The following SUPT3H variants were observed in gnomAD, a reference collection of about 807,000 sequenced individuals.
SUPT3H encodes SPT3 homolog, SAGA and STAGA complex component.
A neutral mutation model predicts 44.3 loss-of-function variants in SUPT3H; 44 were observed. That is an observed-to-expected ratio of 0.99 (90% CI 0.78 to 1.28). The LOEUF is 1.28. Ranked by LOEUF, SUPT3H falls within the 50% of genes most tolerant of loss-of-function variation. The pLI is 0.00. For missense variants in SUPT3H, 380 were observed against 387.1 expected (o/e 0.98, Z 0.15); for synonymous variants, 124 against 125.6 (o/e 0.99, Z 0.09).
intron 2 of SUPT3H, among the ~76,000 whole-genome samples, chr6:45,127,353 CTG>C (rs941780527): frequency 3.3e-5 from 5 of 152,056 alleles, no homozygotes; most frequent in African/African-American, 7.2e-5. Context: ...ACTATGAACA[CTG>C]TCCTCATACA....
At chr6:45,243,535 CATT>C (rs1223017409) in intron 2 of SUPT3H, among the ~76,000 whole-genome samples, 1 of 152,018 alleles carries the variant, frequency 6.6e-6, no homozygotes, top group Non-Finnish European at 1.5e-5. Flanking sequence ...TTATGAATCT[CATT>C]AATACAAGAG....
intron 10 of SUPT3H, among the ~76,000 whole-genome samples, chr6:44,875,140 G>T (rs1229444625): frequency 2.0e-4 from 3 of 14,914 alleles, no homozygotes; most frequent in Non-Finnish European, 1.2e-4. Context: ...TCACAGAATT[G>T]GAAAAAACTA....
intron 1 of SUPT3H, among the ~76,000 whole-genome samples, chr6:45,368,814 T>G (rs752123854): frequency 6.6e-6 from 1 of 152,134 alleles, no homozygotes; most frequent in Non-Finnish European, 1.5e-5. Context: ...TATAAATTAA[T>G]AGAAAACTTT....
In SUPT3H at chr6:45,295,092, CA is replaced by C. The variant is rs959057988; in HGVS notation, c.101+70108del. On this transcript the variant is annotated intron_variant, in intron 2 of 10. Coordinates refer to ENST00000371459, the MANE Select transcript of SUPT3H (RefSeq NM_003599.4). The stretch of plus-strand genomic sequence containing the variant: ...CTGGAGGCATCACATTACCTGATTT[CA>C]AACTATACTATTAGGCTATAGTCAC... Among the ~76,000 whole-genome samples the C allele has an allele frequency of 2.6e-5, 4 of 152,182 alleles. No homozygotes were observed. The East Asian group carries it at 7.7e-4, about 29-fold the overall frequency.
chr6:44,993,418 T>G (rs1355844031), intron 6 of SUPT3H, among the ~76,000 whole-genome samples: 1 of 142,950 alleles, frequency 7.0e-6, no homozygotes, highest in African/African-American at 2.4e-5. Context: ...GTAACTTGCT[T>G]TTTATTTCAT....
rs149864529 is a variant in SUPT3H, at chr6:44,895,209, A to T, written c.912+37444T>A. Among the ~76,000 whole-genome samples the T allele has an allele frequency of 2.1e-3, 323 of 151,006 alleles. 1 individual carries two copies. Among genetic ancestry groups the T allele is most frequent in the African/African-American group, 7.5e-3 (309 of 41,164 alleles). ...TCAGAGGTGGTCTTAATCTATAACT[A>T]TATGGAATAATAATAGTGTGATTTG... On this transcript the variant is annotated intron_variant, in intron 10 of 10. Transcript: ENST00000371459.
At chr6:45,332,729 T>C (rs778058290) in intron 2 of SUPT3H, among the ~76,000 whole-genome samples, 3 of 151,676 alleles carry the variant, frequency 2.0e-5, no homozygotes, top group Admixed American at 6.6e-5. Flanking sequence ...TGTGACCAAA[T>C]AGACAAATGC....
At chr6:45,164,797 T>C (rs1359672106) in intron 2 of SUPT3H, among the ~76,000 whole-genome samples, 1 of 152,128 alleles carries the variant, frequency 6.6e-6, no homozygotes, top group Non-Finnish European at 1.5e-5. Context: ...AAAAGTATAG[T>C]AAAATTTTTC....
intron 2 of SUPT3H, among the ~76,000 whole-genome samples, chr6:45,241,782 A>AG (rs1770381465): frequency 6.6e-6 from 1 of 152,170 alleles, no homozygotes; most frequent in Non-Finnish European, 1.5e-5. Context: ...CAGAAATGGA[A>AG]GGGGGAAAAA....
intron 5 of SUPT3H, 124 bp downstream of exon 5, chr6:45,014,677 C>T: frequency 5.7e-6 from 3 of 530,610 alleles, no homozygotes; most frequent in Non-Finnish European, 9.4e-6. Context: ...GGGTATTCCA[C>T]TTGATTTGTT....
At chr6:45,048,139 C>T (rs1037079100) in intron 3 of SUPT3H, among the ~76,000 whole-genome samples, 2 of 150,402 alleles carry the variant, frequency 1.3e-5, no homozygotes, top group Admixed American at 1.3e-4. Context: ...TATTGAGTTC[C>T]TTATAGATTC....
intron 2 of SUPT3H, among the ~76,000 whole-genome samples, chr6:45,297,086 A>AT (rs71536353): frequency 6.6e-6 from 1 of 151,808 alleles, no homozygotes; most frequent in Non-Finnish European, 1.5e-5. Flanking sequence ...TTAAAAAAAA[A>AT]AAAAAGGAAA....
chr6:45,366,319 A>G (rs1300780341), intron 1 of SUPT3H, among the ~76,000 whole-genome samples: 1 of 152,150 alleles, frequency 6.6e-6, no homozygotes, highest in Non-Finnish European at 1.5e-5. Context: ...CTCCTTTGCT[A>G]AGACTTTGGG....
At chr6:45,111,539 C>CCAAAAAAA (rs1800066126) in intron 2 of SUPT3H, among the ~76,000 whole-genome samples, 1 of 142,340 alleles carries the variant, frequency 7.0e-6, no homozygotes, top group African/African-American at 2.6e-5. Context: ...CTCCCCCCCG[C>CCAAAAAAA]AAAAAAAACA....
At chr6:45,339,906 C>A (rs1269263263) in intron 2 of SUPT3H, among the ~76,000 whole-genome samples, 3 of 152,034 alleles carry the variant, frequency 2.0e-5, no homozygotes, top group Admixed American at 2.0e-4. Flanking sequence ...CTATGCTAAG[C>A]CATTTATAAA....
chr6:45,010,148 A>C (rs1333003661), intron 5 of SUPT3H, among the ~76,000 whole-genome samples: 1 of 152,072 alleles, frequency 6.6e-6, no homozygotes, highest in Admixed American at 6.6e-5. Flanking sequence ...TGCATAGCTG[A>C]TATATTAAAA....
At chr6:44,984,731 T>C (rs1475236025) in intron 6 of SUPT3H, among the ~76,000 whole-genome samples, 2 of 152,166 alleles carry the variant, frequency 1.3e-5, no homozygotes, top group African/African-American at 2.4e-5. Flanking sequence ...TAACTTTTAT[T>C]ACTAGTAGCA....
intron 2 of SUPT3H, among the ~76,000 whole-genome samples, chr6:45,122,518 C>A (rs1801821765): frequency 6.6e-6 from 1 of 152,062 alleles, no homozygotes; most frequent in Non-Finnish European, 1.5e-5. Context: ...AAACAACAGA[C>A]TTTGAAAGAA....
chr6:45,339,163 A>T (rs542515347), intron 2 of SUPT3H, among the ~76,000 whole-genome samples: 9 of 152,266 alleles, frequency 5.9e-5, no homozygotes, highest in Admixed American at 2.0e-4. Flanking sequence ...ATAAGGCTTT[A>T]AGAAAAAAGG....
Sources: allele counts gnomAD v4.1 joint callset (sites outside exome capture counted in the v4.1 genomes callset), GRCh38; gene constraint gnomAD v4.1.1; transcripts MANE v1.5; gene names NCBI Gene and HGNC (gene_info 2026-07-23, HGNC 2026-07-21).